CFAP69: variants seen among roughly 807,000 people sequenced by gnomAD.
CFAP69 encodes the protein cilia- and flagella-associated protein 69.
Under a neutral mutation model 123.0 loss-of-function variants are expected in CFAP69, and 92 were observed. The ratio of observed to expected loss-of-function variants is 0.75; its 90% CI spans 0.63 to 0.89. CFAP69 has a LOEUF of 0.89. Among genes scored for constraint, CFAP69 ranks in the 40% least tolerant of loss-of-function variants. CFAP69 has a pLI of 0.00. For synonymous variants in CFAP69, 380 were observed against 364.3 expected (o/e 1.04, Z -0.49); for missense variants, 1,067 against 1,096.9 (o/e 0.97, Z 0.39).
chr7:90,264,248 T>TA (rs1281642448), intron 4 of CFAP69, among the ~76,000 whole-genome samples: 1 of 150,632 alleles, frequency 6.6e-6, no homozygotes, highest in Non-Finnish European at 1.5e-5. Flanking sequence ...TTTATATATT[T>TA]AAAAAATAAC....
chr7:90,248,337 T>TA (rs1451179459), intron 1 of CFAP69, among the ~76,000 whole-genome samples: 1 of 152,238 alleles, frequency 6.6e-6, no homozygotes, highest in Non-Finnish European at 1.5e-5. Flanking sequence ...AGGCAGCAGG[T>TA]AAAATGTACG....
chr7:90,313,824 A>G (rs555494484), downstream of CFAP69, among the ~76,000 whole-genome samples: 174 of 152,204 alleles, frequency 1.1e-3, no homozygotes, highest in Non-Finnish European at 1.7e-3. Flanking sequence ...CCCATTCTCA[A>G]GTATGGGTTA....
At chr7:90,249,248 C>T (rs547476455) in intron 1 of CFAP69, among the ~76,000 whole-genome samples, 1 of 151,534 alleles carries the variant, frequency 6.6e-6, no homozygotes, top group African/African-American at 2.4e-5. Flanking sequence ...CCTCTTTGCT[C>T]TCTCTCTCTC....
chr7:90,305,943 CTTTT>C (rs11340254), intron 19 of CFAP69, among the ~76,000 whole-genome samples: 2 of 129,604 alleles, frequency 1.5e-5, no homozygotes, highest in Admixed American at 7.9e-5. Flanking sequence ...TTCTTTCCTT[CTTTT>C]TTTTTTTTTT....
At chr7:90,283,189 T>C in intron 13 of CFAP69, 133 bp downstream of exon 13, 1 of 644,920 alleles carries the variant, frequency 1.6e-6, no homozygotes, top group Non-Finnish European at 2.4e-6. Flanking sequence ...TTGATTTTTG[T>C]TTCATATTGC....
At chr7:90,272,464 T>C (rs1800095072) in intron 8 of CFAP69, among the ~76,000 whole-genome samples, 1 of 152,066 alleles carries the variant, frequency 6.6e-6, no homozygotes, top group Non-Finnish European at 1.5e-5. Flanking sequence ...GATGGACAAG[T>C]AAATAGACAA....
At chr7:90,276,308 C>A (rs1788599982) in intron 9 of CFAP69, among the ~76,000 whole-genome samples, 1 of 152,148 alleles carries the variant, frequency 6.6e-6, no homozygotes, top group Non-Finnish European at 1.5e-5. Flanking sequence ...TATAGGTAGA[C>A]CTTTGTTTCT....
At chr7:90,245,653 A>G in intron 1 of CFAP69, 109 bp downstream of exon 1, 2 of 1,324,870 alleles carry the variant, frequency 1.5e-6, no homozygotes, top group Admixed American at 3.0e-5. Context: ...AGGAGTGAAG[A>G]TGGGGGAAGC....
Position 90,297,969 on chromosome 7 carries a change from T to C in CFAP69, c.1857+139T>C, listed in dbSNP as rs1026247440. On this transcript the variant is annotated intron_variant, in intron 16 of 22. Transcript: ENST00000389297. ...TTCAAAGGTACGGTCTTAAACAAAA[T>C]TGCTCCTAGAAATTCATAATACACA... The C allele has an allele frequency of 4.1e-5, 23 of 555,290 alleles. 1 individual carries two copies. The highest frequency in any genetic ancestry group is 6.8e-5 in the Non-Finnish European group (22 of 321,272). The allele number at this position is 555,290 out of a possible 1,614,324, so 34.4% of individuals were successfully genotyped here.
chr7:90,304,480 T>C, intron 18 of CFAP69: 1 of 1,244,602 alleles, frequency 8.0e-7, no homozygotes, highest in Non-Finnish European at 1.0e-6. Flanking sequence ...TGAAGTAAGA[T>C]ATTATTGTCT....
chr7:90,253,425 C>T (rs1416957403), intron 1 of CFAP69, among the ~76,000 whole-genome samples: 2 of 152,210 alleles, frequency 1.3e-5, no homozygotes, highest in African/African-American at 4.8e-5. Context: ...GAGTCTCACT[C>T]TGTCACCCAG....
intron 14 of CFAP69, among the ~76,000 whole-genome samples, chr7:90,287,314 A>G (rs568320586): frequency 6.6e-6 from 1 of 152,134 alleles, no homozygotes; most frequent in Non-Finnish European, 1.5e-5. Context: ...TAATGCTTTC[A>G]TTTCTCTCGG....
chr7:90,261,248 T>A (rs1002973771), intron 3 of CFAP69, among the ~76,000 whole-genome samples: 4 of 152,196 alleles, frequency 2.6e-5, no homozygotes, highest in Non-Finnish European at 5.9e-5. Flanking sequence ...GCGAATTTTG[T>A]ATTTTTAGTA....
At chr7:90,247,034 G>T (rs1796417276) in intron 1 of CFAP69, among the ~76,000 whole-genome samples, 1 of 152,136 alleles carries the variant, frequency 6.6e-6, no homozygotes, top group African/African-American at 2.4e-5. Flanking sequence ...TTTCTGACTT[G>T]TTAATTACTA....
intron 16 of CFAP69, among the ~76,000 whole-genome samples, chr7:90,298,506 A>C (rs921504750): frequency 1.3e-5 from 2 of 152,186 alleles, no homozygotes; most frequent in African/African-American, 4.8e-5. Flanking sequence ...CCTGTCCGTG[A>C]TTCTATGATT....
At chr7:90,312,487 G>A (rs2117517141), downstream of CFAP69, 1 of 152,282 alleles carries the variant, frequency 6.6e-6, no homozygotes, top group Middle Eastern at 3.4e-3. Context: ...CCATCAGCAA[G>A]AAGAAAGGTA....
chr7:90,319,703 T>C, the CFAP69 span: 2 of 398,436 alleles, frequency 5.0e-6, no homozygotes, highest in Non-Finnish European at 8.8e-6. Flanking sequence ...ATCAGCATCA[T>C]GCAGCCCAAA....
intron 15 of CFAP69, among the ~76,000 whole-genome samples, chr7:90,289,647 CT>C (rs1790826105): frequency 2.0e-5 from 3 of 152,028 alleles, no homozygotes; most frequent in Admixed American, 6.6e-5. Flanking sequence ...ATTTACCAGT[CT>C]TTTTTTATGG....
rs1279725483 is a variant in CFAP69 at position 90,264,103 on chromosome 7, AAATATATATATATATATATATAT to A, written c.357-1196_357-1174del. On this transcript the variant is annotated intron_variant, in intron 4 of 22. Transcript: ENST00000389297. ...AAGACTCCATCTCGAAAAAAAAAAAAAATATATATATATATATATATATATATATATATATATATATATATATG... is the reference window on the plus strand; with the variant it reads ...AAGACTCCATCTCGAAAAAAAAAAAAATATATATATATATATATATATATG... Among the ~76,000 whole-genome samples the A allele has an allele frequency of 2.1e-3, 69 of 32,702 alleles. 6 individuals are homozygous for A. In the Middle Eastern group the frequency reaches 0.04, roughly 19 times the overall value. 21.5% of individuals were successfully genotyped at this position (32,702 alleles called of 152,430 possible). A position where few individuals can be genotyped will look rare whatever the true frequency, so the allele number is the denominator to read the frequency against.
Sources: allele counts gnomAD v4.1 joint callset (sites outside exome capture counted in the v4.1 genomes callset), GRCh38; gene constraint gnomAD v4.1.1; transcripts MANE v1.5; gene names NCBI Gene and HGNC (gene_info 2026-07-23, HGNC 2026-07-21).